HMGA2: variants seen among roughly 807,000 people sequenced by gnomAD.
HMGA2 encodes the protein high mobility group AT-hook 2, also known as high mobility group protein HMGI-C.
Under a neutral mutation model 19.1 loss-of-function variants are expected in HMGA2, and 8 were observed. The ratio of observed to expected loss-of-function variants is 0.42; its 90% CI spans 0.25 to 0.76. The LOEUF (loss-of-function observed/expected upper bound fraction) is 0.76, where lower values mean the gene tolerates loss of function less well. Ranked by LOEUF, HMGA2 falls within the 30% of genes least tolerant of loss-of-function variation. The pLI is 0.28. For missense variants in HMGA2, 109 were observed against 136.3 expected (o/e 0.80, Z 1.00); for synonymous variants, 60 against 48.8 (o/e 1.23, Z -0.96).
intron 3 of HMGA2, among the ~76,000 whole-genome samples, chr12:65,850,803 G>A (rs916215689): frequency 7.9e-5 from 12 of 152,056 alleles, no homozygotes; most frequent in African/African-American, 2.7e-4. Context: ...GTTATCTTTG[G>A]TAGAAAAACA....
At chr12:65,833,373 C>A (rs577661367) in intron 2 of HMGA2, among the ~76,000 whole-genome samples, 1 of 150,508 alleles carries the variant, frequency 6.6e-6, no homozygotes, top group East Asian at 1.9e-4. Flanking sequence ...AAGATACATG[C>A]AAACAAGACA....
At chr12:65,952,340 C>T (rs1468011016) in intron 4 of HMGA2, 8 of 1,527,102 alleles carry the variant, frequency 5.2e-6, no homozygotes, top group East Asian at 4.9e-5. Context: ...ATCTACCTTG[C>T]ATCCTGTTTT....
At chr12:65,837,766 A>C (rs545905678) in intron 2 of HMGA2, among the ~76,000 whole-genome samples, 1 of 152,192 alleles carries the variant, frequency 6.6e-6, no homozygotes, top group Non-Finnish European at 1.5e-5. Flanking sequence ...ATAAACTCTC[A>C]AGATAGAAAT....
At chr12:65,862,382 T>TA (rs1307458503) in intron 3 of HMGA2, among the ~76,000 whole-genome samples, 1 of 151,954 alleles carries the variant, frequency 6.6e-6, no homozygotes, top group Non-Finnish European at 1.5e-5. Flanking sequence ...CCACCACTAC[T>TA]ACAGTTTGCT....
intron 3 of HMGA2, among the ~76,000 whole-genome samples, chr12:65,844,301 T>C (rs141033186): frequency 6.6e-6 from 1 of 152,156 alleles, no homozygotes; most frequent in African/African-American, 2.4e-5. Flanking sequence ...TTAAAATACA[T>C]GCTTAGTAAT....
intron 2 of HMGA2, among the ~76,000 whole-genome samples, chr12:65,832,725 C>T (rs1870532357): frequency 6.6e-6 from 1 of 151,964 alleles, no homozygotes; most frequent in Non-Finnish European, 1.5e-5. Flanking sequence ...TAGGGCATTG[C>T]ATTATTTCAT....
intron 4 of HMGA2, chr12:65,952,410 T>G: frequency 1.3e-6 from 2 of 1,534,820 alleles, no homozygotes; most frequent in Non-Finnish European, 1.7e-6. Flanking sequence ...ATATCTACTG[T>G]TCTCTAAAAA....
Position 65,844,407 on chromosome 12 carries a change from T to A in HMGA2, c.249+5838T>A, listed in dbSNP as rs76283371. On this transcript the variant is annotated intron_variant, in intron 3 of 4. Transcript: ENST00000403681. ...CCTTTGCAATATTTTATGATAAAAA[T>A]AGAGTACTTTTCAAATTTTTTCCCT... Among the ~76,000 whole-genome samples the A allele has an allele frequency of 3.3e-3, 498 of 152,306 alleles. 3 individuals are homozygous for A. The highest frequency in any genetic ancestry group is 0.012 in the African/African-American group (485 of 41,580).
At chr12:65,940,835 A>G (rs1444198506) in intron 3 of HMGA2, among the ~76,000 whole-genome samples, 2 of 152,178 alleles carry the variant, frequency 1.3e-5, no homozygotes, top group Non-Finnish European at 2.9e-5. Flanking sequence ...ACTTCTGTAC[A>G]TGGTTGTTGT....
chr12:65,877,207 G>T (rs896457944), intron 3 of HMGA2: 2 of 152,220 alleles, frequency 1.3e-5, no homozygotes, highest in African/African-American at 4.8e-5. Context: ...AAAAGCTAAG[G>T]GGGTGGAATG....
intron 3 of HMGA2, among the ~76,000 whole-genome samples, chr12:65,861,797 T>A (rs1872091532): frequency 6.6e-6 from 1 of 151,660 alleles, no homozygotes; most frequent in South Asian, 2.1e-4. Flanking sequence ...TAACATTTAA[T>A]ATAACAACAT....
At chr12:65,949,675 G>A (rs552955954) in intron 3 of HMGA2, among the ~76,000 whole-genome samples, 18 of 152,148 alleles carry the variant, frequency 1.2e-4, no homozygotes, top group African/African-American at 3.6e-4. Context: ...ACATTCCCTC[G>A]GATGTTTCAC....
chr12:65,957,024 C>G (rs1565742704), intron 4 of HMGA2: 1 of 152,138 alleles, frequency 6.6e-6, no homozygotes, highest in Non-Finnish European at 1.5e-5. Flanking sequence ...TTGCTGGACA[C>G]TCAGATGTCT....
At chr12:65,836,083 GA>G (rs760009199) in intron 2 of HMGA2, among the ~76,000 whole-genome samples, 14 of 152,196 alleles carry the variant, frequency 9.2e-5, no homozygotes, top group Admixed American at 7.2e-4. Context: ...AGGCTTCTGT[GA>G]GAGGAAACTA....
At chr12:65,896,769 G>T (rs116914567) in intron 3 of HMGA2, among the ~76,000 whole-genome samples, 1 of 152,186 alleles carries the variant, frequency 6.6e-6, no homozygotes, top group Non-Finnish European at 1.5e-5. Flanking sequence ...TTGATTAAAC[G>T]TTGGAAGAAT....
chr12:65,897,611 G>T (rs1300104047), intron 3 of HMGA2, among the ~76,000 whole-genome samples: 2 of 152,172 alleles, frequency 1.3e-5, no homozygotes, highest in African/African-American at 4.8e-5. Context: ...AAAGTCAAAA[G>T]GAATGTTAGG....
intron 3 of HMGA2, chr12:65,915,437 A>G (rs1399415506): frequency 7.9e-7 from 1 of 1,264,046 alleles, no homozygotes; most frequent in Non-Finnish European, 1.0e-6. Flanking sequence ...GCTGAACTCC[A>G]GTTACTCTCG....
At chr12:65,884,377 C>G (rs565123192) in intron 3 of HMGA2, among the ~76,000 whole-genome samples, 2 of 152,076 alleles carry the variant, frequency 1.3e-5, no homozygotes, top group Non-Finnish European at 2.9e-5. Context: ...AAATGCAAAA[C>G]AGTTCTGGTC....
At chr12:65,885,022 T>A (rs1873595260) in intron 3 of HMGA2, among the ~76,000 whole-genome samples, 1 of 152,230 alleles carries the variant, frequency 6.6e-6, no homozygotes, top group Admixed American at 6.5e-5. Context: ...TCATCTCTCA[T>A]GTATACAAAT....
Sources: gnomAD v4.1 joint callset for allele counts (sites outside exome capture counted in the v4.1 genomes callset) on GRCh38, gnomAD v4.1.1 for gene constraint, MANE v1.5 for transcripts, NCBI Gene and HGNC (gene_info 2026-07-23, HGNC 2026-07-21) for gene names.